The following TNR variants were observed in gnomAD, a reference collection of about 807,000 sequenced individuals.
TNR encodes the protein tenascin-R.
In TNR, 45 loss-of-function variants were observed where a neutral mutation model predicts 150.4. The observed-to-expected ratio is 0.30, with a 90% CI of 0.24 to 0.38. The LOEUF is 0.38. TNR is among the 10% of genes least tolerant of loss of function. The pLI is 1.00. For missense variants in TNR, 1,544 were observed against 1,759.1 expected (o/e 0.88, Z 2.19); for synonymous variants, 687 against 678.4 (o/e 1.01, Z -0.20).
intron 1 of TNR, chr1:175,538,966 G>C (rs936799191): frequency 1.3e-5 from 2 of 152,222 alleles, no homozygotes; most frequent in Admixed American, 1.3e-4. Context: ...CATCCTCATG[G>C]GGGAAGAGAA....
chr1:175,457,021 C>T (rs1033512888), intron 2 of TNR, among the ~76,000 whole-genome samples: 13 of 152,188 alleles, frequency 8.5e-5, no homozygotes, highest in African/African-American at 1.2e-4. Context: ...CTTTAGCTCT[C>T]CTCTAAAGTC....
intron 2 of TNR, among the ~76,000 whole-genome samples, chr1:175,520,541 G>A (rs543963854): frequency 1.1e-4 from 16 of 152,212 alleles, no homozygotes; most frequent in Non-Finnish European, 1.2e-4. Context: ...ACAATGCTGA[G>A]CCTTCTCAGG....
chr1:175,622,491 T>C (rs1046172543), intron 1 of TNR, among the ~76,000 whole-genome samples: 1 of 152,322 alleles, frequency 6.6e-6, no homozygotes. Flanking sequence ...CCGCAGGCAT[T>C]TGTATATACT....
At position 175,330,031 on chromosome 1, in the gene TNR, C is replaced by T. The variant is rs373474930; in HGVS notation, c.3793+43G>A. ...CGCCTAGAATCTGGGGGCTCTTGTCCCATGCCCACTGTCCTTGGGGTCTGC... is the reference window on the plus strand; with the variant it reads ...CGCCTAGAATCTGGGGGCTCTTGTCTCATGCCCACTGTCCTTGGGGTCTGC... On this transcript the variant is annotated intron_variant, in intron 21 of 22. Transcript: ENST00000367674. 18 of 1,462,240 alleles carry T rather than the reference C, an allele frequency of 1.2e-5. No individual in the cohort carries two copies. In the Admixed American group the frequency reaches 2.9e-4, roughly 23 times the overall value. 90.6% of individuals were successfully genotyped at this position (1,462,240 alleles called of 1,614,324 possible).
chr1:175,429,516 C>T (rs1400546929), intron 2 of TNR, among the ~76,000 whole-genome samples: 1 of 152,172 alleles, frequency 6.6e-6, no homozygotes, highest in Non-Finnish European at 1.5e-5. Flanking sequence ...TCACTTAGAA[C>T]AGAACCTATG....
At chr1:175,442,474 A>G (rs1013279591) in intron 2 of TNR, among the ~76,000 whole-genome samples, 1 of 148,982 alleles carries the variant, frequency 6.7e-6, no homozygotes, top group Non-Finnish European at 1.5e-5. Context: ...GGGCTCTGAA[A>G]TTATATTGAC....
chr1:175,474,299 T>G (rs114081043), intron 2 of TNR, among the ~76,000 whole-genome samples: 1,849 of 152,248 alleles, frequency 0.012, 28 homozygotes, highest in African/African-American at 0.041. Context: ...AATGAGGCCA[T>G]TAGGGTGGGC....
At chr1:175,477,556 C>G (rs1363776302) in intron 2 of TNR, among the ~76,000 whole-genome samples, 1 of 152,194 alleles carries the variant, frequency 6.6e-6, no homozygotes, top group East Asian at 1.9e-4. Flanking sequence ...GGACCTGGCT[C>G]CCTGCCCTGT....
intron 12 of TNR, 94 bp from the exon 13 acceptor site, chr1:175,363,921 T>C: frequency 6.8e-7 from 1 of 1,465,114 alleles, no homozygotes. Flanking sequence ...AAAGCCAATG[T>C]TGTCCCAAAG....
At chr1:175,428,153 T>C (rs1655098743) in intron 2 of TNR, among the ~76,000 whole-genome samples, 1 of 152,210 alleles carries the variant, frequency 6.6e-6, no homozygotes, top group African/African-American at 2.4e-5. Context: ...AGCTATTATG[T>C]ATCAACAGTA....
At chr1:175,540,818 T>C (rs1213538108) in intron 1 of TNR, among the ~76,000 whole-genome samples, 1 of 151,964 alleles carries the variant, frequency 6.6e-6, no homozygotes, top group African/African-American at 2.4e-5. Context: ...CCGCTTCTAA[T>C]CCATTCTCCA....
rs533495247 is a variant in TNR at position 175,377,511 on chromosome 1, C to T, written c.1963+2041G>A. On this transcript the variant is annotated intron_variant, in intron 9 of 22. Coordinates refer to ENST00000367674, the MANE Select transcript of TNR (RefSeq NM_003285.3). The stretch of plus-strand genomic sequence containing the variant: ...GCTTAATTTTTGTGACTGTTTCTAG[C>T]TCTCTGCGAGGCCCTATGCCAGCTG... Among the ~76,000 whole-genome samples, 5 of 141,298 alleles carry T rather than the reference C, an allele frequency of 3.5e-5. No homozygotes were observed. In the Admixed American group the frequency reaches 3.7e-4, roughly 11 times the overall value. The allele number at this position is 141,298 out of a possible 152,430, so 92.7% of individuals were successfully genotyped here. A position where few individuals can be genotyped will look rare whatever the true frequency, so the allele number is the denominator to read the frequency against.
At chr1:175,464,804 A>ATATT (rs764642965) in intron 2 of TNR, among the ~76,000 whole-genome samples, 6 of 152,130 alleles carry the variant, frequency 3.9e-5, no homozygotes, top group Non-Finnish European at 7.4e-5. Flanking sequence ...GTCATTGACA[A>ATATT]TATTTATTTA....
intron 1 of TNR, among the ~76,000 whole-genome samples, chr1:175,558,743 A>AT (rs983079398): frequency 6.6e-6 from 1 of 152,090 alleles, no homozygotes; most frequent in Non-Finnish European, 1.5e-5. Flanking sequence ...CTTTATTATA[A>AT]TTTTTTTAAA....
chr1:175,358,256 C>T (rs759194792), intron 15 of TNR, among the ~76,000 whole-genome samples: 1 of 152,208 alleles, frequency 6.6e-6, no homozygotes, highest in Non-Finnish European at 1.5e-5. Context: ...CATTCAGCTA[C>T]AGTCCCAGCT....
At chr1:175,473,341 AGC>A (rs1179873992) in intron 2 of TNR, among the ~76,000 whole-genome samples, 2 of 152,184 alleles carry the variant, frequency 1.3e-5, no homozygotes, top group Non-Finnish European at 2.9e-5. Flanking sequence ...GCTCATCACC[AGC>A]AGCCCCCCAG....
intron 1 of TNR, among the ~76,000 whole-genome samples, chr1:175,534,081 G>T (rs543633196): frequency 1.2e-4 from 19 of 152,320 alleles, no homozygotes; most frequent in Admixed American, 1.1e-3. Context: ...TCTTTTAGAA[G>T]TTGCATCCAG....
intron 1 of TNR, among the ~76,000 whole-genome samples, chr1:175,730,415 T>G (rs1667607248): frequency 6.6e-6 from 1 of 152,210 alleles, no homozygotes; most frequent in South Asian, 2.1e-4. Context: ...GTTATCTTTG[T>G]GACTCCCCCT....
At chr1:175,572,414 G>A (rs997234709) in intron 1 of TNR, among the ~76,000 whole-genome samples, 4 of 152,108 alleles carry the variant, frequency 2.6e-5, no homozygotes, top group African/African-American at 9.7e-5. Context: ...AGAGGCTGAG[G>A]TATTTTAGTA....
Sources: allele counts gnomAD v4.1 joint callset (sites outside exome capture counted in the v4.1 genomes callset), GRCh38; gene constraint gnomAD v4.1.1; transcripts MANE v1.5; gene names NCBI Gene and HGNC (gene_info 2026-07-23, HGNC 2026-07-21).